MBOAT1: variants seen among roughly 807,000 people sequenced by gnomAD.
The protein encoded by MBOAT1 is membrane-bound glycerophospholipid O-acyltransferase 1.
A neutral mutation model predicts 64.4 loss-of-function variants in MBOAT1; 67 were observed. The observed-to-expected ratio is 1.04, with a 90% CI of 0.85 to 1.27. The LOEUF is 1.27. Ranked by LOEUF, MBOAT1 falls within the 50% of genes most tolerant of loss-of-function variation. The pLI, the probability that MBOAT1 is intolerant of heterozygous loss-of-function variation, is 0.00. For synonymous variants in MBOAT1, 229 were observed against 218.9 expected, an observed-to-expected ratio of 1.05 and a Z score of -0.41; for missense variants, 563 against 604.6, an observed-to-expected ratio of 0.93 and a Z score of 0.72.
At chr6:20,204,723 G>A (rs1763213069) in intron 1 of MBOAT1, among the ~76,000 whole-genome samples, 1 of 152,170 alleles carries the variant, frequency 6.6e-6, no homozygotes, top group Admixed American at 6.5e-5. Context: ...GTGTTTGAGG[G>A]ATAGGAAGTA....
At chr6:20,135,378 C>T (rs1262599191) in intron 4 of MBOAT1, among the ~76,000 whole-genome samples, 1 of 152,072 alleles carries the variant, frequency 6.6e-6, no homozygotes, top group African/African-American at 2.4e-5. Flanking sequence ...TGCCAGCACC[C>T]CCCATTATTG....
chr6:20,189,719 A>G (rs1762751566), intron 1 of MBOAT1, among the ~76,000 whole-genome samples: 1 of 151,912 alleles, frequency 6.6e-6, no homozygotes, highest in African/African-American at 2.4e-5. Context: ...GGTAACCATC[A>G]CTCTACTCTC....
chr6:20,115,433 G>A (rs1760291746), intron 9 of MBOAT1, 81 bp from the exon 10 acceptor site: 1 of 1,148,902 alleles, frequency 8.7e-7, no homozygotes, highest in African/African-American at 1.5e-5. Flanking sequence ...TTCCCTGGCA[G>A]CAGGTTAGAT....
intron 1 of MBOAT1, among the ~76,000 whole-genome samples, chr6:20,156,948 G>C (rs1761708253): frequency 6.6e-6 from 1 of 151,960 alleles, no homozygotes; most frequent in Admixed American, 6.6e-5. Context: ...CTACAGAATG[G>C]GAGAAACTTT....
intron 12 of MBOAT1, among the ~76,000 whole-genome samples, chr6:20,103,936 A>G (rs1339074962): frequency 6.6e-6 from 1 of 152,148 alleles, no homozygotes; most frequent in South Asian, 2.1e-4. Context: ...ACATTCACTC[A>G]CCACTCACTC....
chr6:20,112,943 T>C lies in MBOAT1; in HGVS notation c.1142A>G (p.His381Arg). 1.2e-6 allele frequency: 2 copies of C among 1,614,114 alleles called. No homozygotes were observed. The highest frequency in any genetic ancestry group is 1.1e-5 in the South Asian group (1 of 91,076). Residue 381 changes from histidine to arginine, a missense_variant, in exon 11 of 13, where the codon CAT (histidine) becomes CGT (arginine). Physicochemically the swap from His to Arg is conservative, Grantham distance 29. Coordinates refer to ENST00000324607, the MANE Select transcript of MBOAT1 (RefSeq NM_001080480.3). ...VLTFILSALWHGVYPGYYFTF... is the reference protein window; with the variant it reads ...VLTFILSALWRGVYPGYYFTF... ...AAAATAGTATCCAGGGTAGACACCA[T>C]GCCACAAAGCAGACAGGATGAAGGT...
intron 8 of MBOAT1, among the ~76,000 whole-genome samples, chr6:20,121,032 A>C (rs868288545): frequency 1.3e-5 from 2 of 152,228 alleles, no homozygotes; most frequent in Non-Finnish European, 2.9e-5. Context: ...ACTAAAGTTA[A>C]GTCTCACTAA....
At chr6:20,203,437 T>C (rs1346193895) in intron 1 of MBOAT1, among the ~76,000 whole-genome samples, 1 of 152,220 alleles carries the variant, frequency 6.6e-6, no homozygotes, top group Non-Finnish European at 1.5e-5. Context: ...GAGCCATGAA[T>C]TAACTTTCAA....
intron 1 of MBOAT1, among the ~76,000 whole-genome samples, chr6:20,194,139 C>A (rs575373937): frequency 1.3e-5 from 2 of 151,530 alleles, no homozygotes; most frequent in African/African-American, 4.9e-5. Context: ...AAAAAGCACG[C>A]ATTTTTAAAT....
At chr6:20,193,702 G>C (rs906442364) in intron 1 of MBOAT1, among the ~76,000 whole-genome samples, 3 of 150,510 alleles carry the variant, frequency 2.0e-5, no homozygotes, top group African/African-American at 7.4e-5. Context: ...TGCCTCCCGA[G>C]TTCAAGAGAT....
intron 1 of MBOAT1, among the ~76,000 whole-genome samples, chr6:20,170,772 C>T (rs185778252): frequency 7.7e-4 from 117 of 152,322 alleles, no homozygotes; most frequent in African/African-American, 2.8e-3. Flanking sequence ...CACAGCACTT[C>T]TCACTCTGTA....
intron 1 of MBOAT1, among the ~76,000 whole-genome samples, chr6:20,187,130 C>T (rs1215693710): frequency 6.6e-6 from 1 of 152,174 alleles, no homozygotes. Context: ...GTTTAAACGC[C>T]GACCAACAAC....
At chr6:20,106,678 T>G (rs1045077897) in intron 12 of MBOAT1, among the ~76,000 whole-genome samples, 2 of 152,162 alleles carry the variant, frequency 1.3e-5, no homozygotes, top group Non-Finnish European at 2.9e-5. Flanking sequence ...TGCCTCTGCC[T>G]CCCAAAGTGC....
intron 1 of MBOAT1, among the ~76,000 whole-genome samples, chr6:20,189,703 G>T (rs992586411): frequency 6.6e-6 from 1 of 151,490 alleles, no homozygotes; most frequent in African/African-American, 2.4e-5. Context: ...CCCAACCCTA[G>T]CTCCTGGTAA....
Position 20,102,283 on chromosome 6 carries a change from G to T in MBOAT1, c.*3C>A, listed in dbSNP as rs750307260. On this transcript the variant is annotated 3_prime_UTR_variant, in exon 13 of 13. Transcript: ENST00000324607. ...TTTGCTTGTTCCGCTTCTCTTGGAG[G>T]TATCAATCTGTTTTTCTCTTATTAA... 8.1e-6 allele frequency: 13 copies of T among 1,612,568 alleles called. No homozygotes were observed. The Admixed American group carries it at 2.2e-4, about 27-fold the overall frequency.
At chr6:20,150,140 C>A (rs965421454) in intron 3 of MBOAT1, among the ~76,000 whole-genome samples, 9 of 152,064 alleles carry the variant, frequency 5.9e-5, no homozygotes, top group African/African-American at 1.9e-4. Flanking sequence ...AAACAGATAC[C>A]CAGGTATCTC....
chr6:20,150,090 C>G (rs777770570), intron 3 of MBOAT1, among the ~76,000 whole-genome samples: 13 of 152,186 alleles, frequency 8.5e-5, no homozygotes, highest in Non-Finnish European at 1.6e-4. Context: ...AGAGCTAATC[C>G]TGAGTTTTCA....
chr6:20,103,886 C>T (rs1465774978), intron 12 of MBOAT1, among the ~76,000 whole-genome samples: 2 of 152,160 alleles, frequency 1.3e-5, no homozygotes, highest in Non-Finnish European at 2.9e-5. Flanking sequence ...TATGGTGTTT[C>T]TAAAGTCTAC....
At chr6:20,124,859 C>T (rs1323336956) in intron 7 of MBOAT1, among the ~76,000 whole-genome samples, 3 of 152,118 alleles carry the variant, frequency 2.0e-5, no homozygotes, top group Non-Finnish European at 2.9e-5. Context: ...TCAGCATATT[C>T]AACGAACAAA....
Sources: allele counts gnomAD v4.1 joint callset (sites outside exome capture counted in the v4.1 genomes callset), GRCh38; gene constraint gnomAD v4.1.1; transcripts MANE v1.5; gene names NCBI Gene and HGNC (gene_info 2026-07-23, HGNC 2026-07-21).